KIAA0319L: variants seen among roughly 807,000 people sequenced by gnomAD.
KIAA0319L encodes the protein KIAA0319 like, also known as dyslexia-associated protein KIAA0319-like protein.
A neutral mutation model predicts 120.1 loss-of-function variants in KIAA0319L; 55 were observed. The observed-to-expected ratio is 0.46, with a 90% CI of 0.37 to 0.57. KIAA0319L has a LOEUF of 0.57. KIAA0319L is among the 20% of genes least tolerant of loss of function. KIAA0319L has a pLI of 0.00. For synonymous variants in KIAA0319L, 398 were observed against 471.9 expected (o/e 0.84, Z 2.03); for missense variants, 1,049 against 1,255.3 (o/e 0.84, Z 2.48).
intron 3 of KIAA0319L, among the ~76,000 whole-genome samples, chr1:35,488,295 G>T (rs1427014486): frequency 6.6e-6 from 1 of 152,078 alleles, no homozygotes; most frequent in East Asian, 1.9e-4. Context: ...ACCATTACTG[G>T]AAACTCCTCC....
At chr1:35,447,873 C>T (rs755414379) in intron 16 of KIAA0319L, among the ~76,000 whole-genome samples, 2 of 152,198 alleles carry the variant, frequency 1.3e-5, no homozygotes, top group African/African-American at 2.4e-5. Context: ...CAGTGTTCCA[C>T]AATGCCGCTT....
rs777164957 is a variant in KIAA0319L at position 35,434,851 on chromosome 1, G to A, written c.*43C>T. On this transcript the variant is annotated 3_prime_UTR_variant, in exon 21 of 21. Coordinates refer to ENST00000325722, the MANE Select transcript of KIAA0319L (RefSeq NM_024874.5). ...GACTCGGGAGGTAGGAGGACTGGCC[G>A]GGCAGTGTGCTGGGCCCTGCCCTGA... 9.0e-6 allele frequency: 14 copies of A among 1,553,288 alleles called. No individual in the cohort carries two copies. The highest frequency in any genetic ancestry group is 3.5e-5 in the South Asian group (3 of 86,068).
intron 7 of KIAA0319L, among the ~76,000 whole-genome samples, chr1:35,464,637 A>G (rs1311957775): frequency 6.6e-6 from 1 of 152,232 alleles, no homozygotes; most frequent in Non-Finnish European, 1.5e-5. Context: ...ACAAATCTGC[A>G]TTAGTAATGA....
intron 7 of KIAA0319L, among the ~76,000 whole-genome samples, chr1:35,463,311 C>A (rs1300493751): frequency 6.6e-6 from 1 of 152,234 alleles, no homozygotes; most frequent in Non-Finnish European, 1.5e-5. Context: ...TCTTTCAATG[C>A]TCATGTGCTA....
chr1:35,541,333 CT>C (rs768545066), intron 2 of KIAA0319L, among the ~76,000 whole-genome samples: 2,789 of 117,194 alleles, frequency 0.024, 84 homozygotes, highest in African/African-American at 0.068. Flanking sequence ...CAAGCTACTT[CT>C]TTTTTTTTTT....
At chr1:35,489,648 A>G (rs1436787896) in intron 3 of KIAA0319L, among the ~76,000 whole-genome samples, 1 of 151,262 alleles carries the variant, frequency 6.6e-6, no homozygotes, top group African/African-American at 2.4e-5. Flanking sequence ...ACTAACCTGT[A>G]TTCTTTGTTT....
chr1:35,503,134 A>C (rs1032603541), intron 3 of KIAA0319L, among the ~76,000 whole-genome samples: 8 of 152,220 alleles, frequency 5.3e-5, no homozygotes, highest in African/African-American at 1.9e-4. Context: ...CACTCCCCCC[A>C]ATCCCATCTA....
At chr1:35,455,168 T>C (rs1642351636) in intron 10 of KIAA0319L, among the ~76,000 whole-genome samples, 1 of 152,244 alleles carries the variant, frequency 6.6e-6, no homozygotes, top group South Asian at 2.1e-4. Context: ...GCAAATATTT[T>C]TTTTGGCCTG....
intron 16 of KIAA0319L, among the ~76,000 whole-genome samples, chr1:35,446,534 T>C (rs376804902): frequency 6.6e-6 from 1 of 152,226 alleles, no homozygotes; most frequent in Non-Finnish European, 1.5e-5. Context: ...GCTCTCACTA[T>C]AGTTGCACTG....
At chr1:35,442,712 C>T (rs181813375) in intron 18 of KIAA0319L, among the ~76,000 whole-genome samples, 194 bp downstream of exon 18, 23 of 152,328 alleles carry the variant, frequency 1.5e-4, no homozygotes, top group Non-Finnish European at 2.6e-4. Context: ...TCTTCTTACA[C>T]GACTGCTTCA....
At chr1:35,502,421 G>GTCATCATCA (rs138233952) in intron 3 of KIAA0319L, among the ~76,000 whole-genome samples, 21 of 149,940 alleles carry the variant, frequency 1.4e-4, no homozygotes, top group East Asian at 1.4e-3. Context: ...TATTGCTGCT[G>GTCATCATCA]TCATCATCAT....
chr1:35,502,558 T>C (rs1226433899), intron 3 of KIAA0319L, among the ~76,000 whole-genome samples: 1 of 152,086 alleles, frequency 6.6e-6, no homozygotes, highest in Non-Finnish European at 1.5e-5. Flanking sequence ...TTGCCTCCAA[T>C]AAACTTCTTC....
chr1:35,494,646 GA>G (rs1229940564), intron 3 of KIAA0319L, among the ~76,000 whole-genome samples: 53 of 136,180 alleles, frequency 3.9e-4, no homozygotes, highest in Admixed American at 4.4e-4. Flanking sequence ...ATAACAAAGG[GA>G]AAAAAAAAAA....
At chr1:35,518,455 C>T (rs1396671122) in intron 2 of KIAA0319L, among the ~76,000 whole-genome samples, 10 of 151,938 alleles carry the variant, frequency 6.6e-5, no homozygotes, top group Admixed American at 2.0e-4. Flanking sequence ...AGCAAACTAA[C>T]GCAGGAACAG....
At position 35,474,819 on chromosome 1, in the gene KIAA0319L, T is replaced by G; in HGVS notation, c.1001A>C (p.Gln334Pro). Residue 334 changes from glutamine (Q) to proline (P), a missense_variant, in exon 5 of 21, where the codon CAA becomes CCA. Transcript: ENST00000325722. ...NEVQLNAYVLQEPPKGETYTY... is the reference protein window; with the variant it reads ...NEVQLNAYVLPEPPKGETYTY... ...GGGATGTTTACCTTTAGGTGGTTCT[T>G]GGAGAACATATGCATTTAATTGAAC... The G allele has an allele frequency of 6.2e-7, 1 of 1,600,398 alleles. No individual in the cohort carries two copies. Among genetic ancestry groups the G allele is most frequent in the South Asian group, 1.1e-5 (1 of 90,606 alleles).
chr1:35,456,559 C>A (rs1642467189), intron 9 of KIAA0319L, among the ~76,000 whole-genome samples: 1 of 151,648 alleles, frequency 6.6e-6, no homozygotes, highest in Non-Finnish European at 1.5e-5. Flanking sequence ...CACCTGTAAT[C>A]CCAGCACTTT....
chr1:35,464,356 A>G (rs1435535132), intron 7 of KIAA0319L, among the ~76,000 whole-genome samples: 1 of 152,194 alleles, frequency 6.6e-6, no homozygotes, highest in Non-Finnish European at 1.5e-5. Context: ...TGGGAACTGG[A>G]GCAAAGGTGA....
At chr1:35,528,257 A>G (rs575300103) in intron 2 of KIAA0319L, among the ~76,000 whole-genome samples, 84 of 152,060 alleles carry the variant, frequency 5.5e-4, no homozygotes, top group African/African-American at 1.9e-3. Context: ...CTGGCTAATT[A>G]TTTTTGTAGA....
intron 2 of KIAA0319L, among the ~76,000 whole-genome samples, chr1:35,513,482 T>G (rs753116933): frequency 1.3e-5 from 2 of 151,628 alleles, no homozygotes; most frequent in Non-Finnish European, 2.9e-5. Flanking sequence ...CCAGGTGTGG[T>G]GGTGTGCACT....
Sources: allele counts gnomAD v4.1 joint callset (sites outside exome capture counted in the v4.1 genomes callset), GRCh38; gene constraint gnomAD v4.1.1; transcripts MANE v1.5; gene names NCBI Gene and HGNC (gene_info 2026-07-23, HGNC 2026-07-21).